Variants in STX18 observed in about 807,000 individuals in gnomAD.
STX18 encodes the protein syntaxin 18.
A neutral mutation model predicts 50.1 loss-of-function variants in STX18; 40 were observed. The observed-to-expected ratio is 0.80, with a 90% CI of 0.62 to 1.04. The LOEUF is 1.04. Among genes scored for constraint, STX18 ranks in the 50% least tolerant of loss-of-function variants. The pLI is 0.00. For missense variants in STX18, 410 were observed against 415.8 expected (o/e 0.99, Z 0.12); for synonymous variants, 158 against 151.8 (o/e 1.04, Z -0.30).
At chr4:4,452,636 G>T (rs992909987) in intron 5 of STX18, among the ~76,000 whole-genome samples, 3 of 152,210 alleles carry the variant, frequency 2.0e-5, no homozygotes, top group Non-Finnish European at 2.9e-5. Context: ...GTTCAAGGCT[G>T]CAGTAAGCCA....
chr4:4,471,741 GAT>G, intron 1 of STX18, 35 bp from the exon 2 acceptor site: 1 of 1,399,480 alleles, frequency 7.1e-7, no homozygotes, highest in Non-Finnish European at 9.8e-7. Flanking sequence ...AGTTTATATA[GAT>G]ATGTTACACT....
chr4:4,482,075 G>C (rs557533401), intron 1 of STX18, among the ~76,000 whole-genome samples: 1 of 151,942 alleles, frequency 6.6e-6, no homozygotes, highest in African/African-American at 2.4e-5. Flanking sequence ...AGCCTCCCTC[G>C]GGTTCCAGAA....
intron 1 of STX18, among the ~76,000 whole-genome samples, chr4:4,519,576 C>T (rs1157351322): frequency 6.6e-6 from 1 of 152,018 alleles, no homozygotes; most frequent in African/African-American, 2.4e-5. Flanking sequence ...TTACCTTCTC[C>T]CTAATAGAAC....
Position 4,438,426 on chromosome 4 carries a change from G to C in STX18, c.581C>G (p.Ser194Cys). The C allele has an allele frequency of 1.9e-6, 3 of 1,613,718 alleles. No homozygotes were observed. The highest frequency in any genetic ancestry group is 4.5e-5 in the East Asian group (2 of 44,880). ...EKVSQSPSKD[S>C]EENPATEERP... ...TTCTTCAGTGGCAGGGTTTTCTTCA[G>C]AGTCTTTTGAAGGACTCTGTGAAAC... The change falls in exon 6 of 11, where the codon TCT becomes TGT. Residue 194 changes from serine to cysteine, a missense_variant. Transcript: ENST00000306200.
intron 1 of STX18, among the ~76,000 whole-genome samples, chr4:4,473,035 A>ACACTG (rs1727999478): frequency 2.0e-5 from 3 of 152,216 alleles, no homozygotes; most frequent in Non-Finnish European, 1.5e-5. Context: ...ACCATCCCTG[A>ACACTG]CACTGCTCAA....
intron 7 of STX18, among the ~76,000 whole-genome samples, chr4:4,433,368 C>A (rs1206706151): frequency 1.3e-5 from 2 of 152,064 alleles, no homozygotes; most frequent in Non-Finnish European, 2.9e-5. Flanking sequence ...CTCATGCATT[C>A]AACAAAGAAT....
At chr4:4,507,475 A>G in intron 1 of STX18, 2 of 762,018 alleles carry the variant, frequency 2.6e-6, no homozygotes, top group East Asian at 2.5e-5. Flanking sequence ...TGGAAAGCAT[A>G]TTATCTTTAT....
intron 5 of STX18, among the ~76,000 whole-genome samples, chr4:4,448,636 C>G (rs1233922799): frequency 1.3e-5 from 2 of 152,130 alleles, no homozygotes; most frequent in African/African-American, 4.8e-5. Flanking sequence ...GCCACCGCGC[C>G]CAGCCAATTT....
intron 1 of STX18, among the ~76,000 whole-genome samples, chr4:4,527,744 G>A (rs373848231): frequency 8.3e-6 from 1 of 120,034 alleles, no homozygotes; most frequent in Non-Finnish European, 1.9e-5. Context: ...CTGTAATGCT[G>A]AGCCTAAGGA....
At chr4:4,508,732 C>G (rs566392962) in intron 1 of STX18, among the ~76,000 whole-genome samples, 2 of 152,112 alleles carry the variant, frequency 1.3e-5, no homozygotes, top group Non-Finnish European at 2.9e-5. Flanking sequence ...TCGACAGTCC[C>G]CAGTGAGTGT....
At chr4:4,497,982 T>C (rs1431173727) in intron 1 of STX18, among the ~76,000 whole-genome samples, 2 of 152,338 alleles carry the variant, frequency 1.3e-5, no homozygotes, top group East Asian at 1.9e-4. Context: ...CTAAGGTCTA[T>C]GGTCTGTCAA....
intron 1 of STX18, among the ~76,000 whole-genome samples, chr4:4,512,544 G>A (rs1730051828): frequency 6.6e-6 from 1 of 152,078 alleles, no homozygotes; most frequent in South Asian, 2.1e-4. Context: ...CCAAGAATAG[G>A]TATGTGCCAC....
chr4:4,492,237 A>C (rs1327662919), intron 1 of STX18, among the ~76,000 whole-genome samples: 1 of 152,148 alleles, frequency 6.6e-6, no homozygotes, highest in Non-Finnish European at 1.5e-5. Flanking sequence ...CTCTTTATTT[A>C]ATTAAAATCA....
At chr4:4,541,771 C>T (rs748904622) in intron 1 of STX18, 26 bp downstream of exon 1, 28 of 1,591,398 alleles carry the variant, frequency 1.8e-5, no homozygotes, top group South Asian at 4.6e-5. Flanking sequence ...CTCCTCAACC[C>T]GCCGTTTCCA....
In STX18 at chr4:4,471,814, T is replaced by C. The variant is rs986319033; in HGVS notation, c.169-108A>G. 1.5e-5 allele frequency: 12 copies of C among 812,200 alleles called. No homozygotes were observed. In the African/African-American group the frequency reaches 2.1e-4, roughly 14 times the overall value. The allele number at this position is 812,200 out of a possible 1,614,324, so 50.3% of individuals were successfully genotyped here. A position where few individuals can be genotyped will look rare whatever the true frequency, so the allele number is the denominator to read the frequency against. On this transcript the variant is annotated intron_variant, in intron 1 of 10. Transcript: ENST00000306200. ...GCAAATTGCAGAAAGATTCTGAAGC[T>C]ACAAACTGAGCACCGTCGGTTTTGG...
intron 5 of STX18, among the ~76,000 whole-genome samples, chr4:4,451,551 T>G (rs1338179284): frequency 1.3e-5 from 2 of 152,364 alleles, no homozygotes; most frequent in Middle Eastern, 3.4e-3. Flanking sequence ...GTTCTCACTT[T>G]GTGTCTCTGT....
At chr4:4,514,413 T>C (rs1420370072) in intron 1 of STX18, among the ~76,000 whole-genome samples, 1 of 152,220 alleles carries the variant, frequency 6.6e-6, no homozygotes, top group Non-Finnish European at 1.5e-5. Flanking sequence ...TTTTAAAAAG[T>C]TCTATCTTTC....
At chr4:4,537,674 G>A (rs569067397) in intron 1 of STX18, among the ~76,000 whole-genome samples, 94 of 152,148 alleles carry the variant, frequency 6.2e-4, no homozygotes, top group African/African-American at 2.2e-3. Context: ...AAAAGAACTC[G>A]GACTCATGTA....
At chr4:4,445,709 G>A (rs1348949786) in intron 5 of STX18, among the ~76,000 whole-genome samples, 1 of 152,092 alleles carries the variant, frequency 6.6e-6, no homozygotes, top group Non-Finnish European at 1.5e-5. Context: ...AGAAATAAAT[G>A]CAAAGATATA....
Sources: allele counts gnomAD v4.1 joint callset (sites outside exome capture counted in the v4.1 genomes callset), GRCh38; gene constraint gnomAD v4.1.1; transcripts MANE v1.5; gene names NCBI Gene and HGNC (gene_info 2026-07-23, HGNC 2026-07-21).